Variants in MAP3K9 observed in about 807,000 individuals in gnomAD.
The protein encoded by MAP3K9 is mixed lineage kinase 1 (tyr and ser/thr specificity).
MAP3K9 carries 46 observed loss-of-function variants against 95.8 expected under a neutral mutation model. The ratio of observed to expected loss-of-function variants is 0.48; its 90% CI spans 0.38 to 0.61. MAP3K9 has a LOEUF of 0.61. Ranked by LOEUF, MAP3K9 falls within the 20% of genes least tolerant of loss-of-function variation. MAP3K9 has a pLI of 0.00. For missense variants in MAP3K9, 1,296 were observed against 1,474.3 expected (o/e 0.88, Z 1.98); for synonymous variants, 533 against 593.8 (o/e 0.90, Z 1.49).
intron 2 of MAP3K9, among the ~76,000 whole-genome samples, chr14:70,771,284 T>C (rs1201589406): frequency 6.6e-6 from 1 of 152,192 alleles, no homozygotes; most frequent in Non-Finnish European, 1.5e-5. Flanking sequence ...GCCTTCAGTT[T>C]TGTTTTCTTG....
chr14:70,771,728 G>C (rs1388118094), intron 2 of MAP3K9, among the ~76,000 whole-genome samples: 1 of 152,162 alleles, frequency 6.6e-6, no homozygotes, highest in Non-Finnish European at 1.5e-5. Flanking sequence ...GCTAAACATA[G>C]GGGGAAAAGG....
At chr14:70,784,261 A>T (rs2054719460) in intron 2 of MAP3K9, among the ~76,000 whole-genome samples, 1 of 152,036 alleles carries the variant, frequency 6.6e-6, no homozygotes, top group East Asian at 1.9e-4. Context: ...CCAGCCTGGG[A>T]AACAAGAGCA....
rs1349693176 is a variant in MAP3K9, at chr14:70,755,663, G to C, written c.1001+5339C>G. ...ACACATTTTCCTCTGCTAAAGGTGA[G>C]AGACCATTTGGAGCTACTTAGATGG... On this transcript the variant is annotated intron_variant, in intron 3 of 11. Transcript: ENST00000554752. 2.6e-5 allele frequency among the ~76,000 whole-genome samples: 4 copies of C among 152,218 alleles called. No individual in the cohort carries two copies. The East Asian group carries it at 5.8e-4, about 22-fold the overall frequency.
At position 70,738,266 on chromosome 14, in the gene MAP3K9, T is replaced by C. The variant is rs746538544; in HGVS notation, c.1823A>G (p.Glu608Gly). The C allele has an allele frequency of 2.0e-5, 33 of 1,611,056 alleles. No homozygotes were observed. The South Asian group carries it at 2.1e-4, about 10-fold the overall frequency. Residue 608 changes from glutamate (E) to glycine (G), a missense_variant, in exon 8 of 12, where the codon GAG (glutamate) becomes GGG (glycine). Around this residue, in one of 5 missense-constraint regions of MAP3K9, gnomAD observed 377 missense variants for 417.1 expected, o/e 0.90. Coordinates refer to ENST00000554752, the MANE Select transcript of MAP3K9 (RefSeq NM_001284230.2). ...TWGPGTLGQK[E>G]LASGDEGSPQ... ...TTACCCTTCATCTCCCGAGGCAAGC[T>C]CCTTCTGACCAAGCGTCCCTGGCCC...
Position 70,730,849 on chromosome 14 carries a change from G to A in MAP3K9, c.2846C>T (p.Pro949Leu). The A allele has an allele frequency of 1.2e-6, 2 of 1,603,134 alleles. No individual in the cohort carries two copies. Among genetic ancestry groups the A allele is most frequent in the Non-Finnish European group, 1.7e-6 (2 of 1,176,848 alleles). The stretch of plus-strand genomic sequence containing the variant: ...TTCACCTGGGTCTCGGCTGGGACTG[G>A]GGGTTTTCAACATTCCTGGTCAAAA... ...PSPGAGMLKTPSPSRDPGEFP... is the reference protein window; with the variant it reads ...PSPGAGMLKTLSPSRDPGEFP... Residue 949 changes from proline to leucine, a missense_variant, in exon 12 of 12, where the codon CCC becomes CTC. This residue lies in a region of MAP3K9 where 433 missense variants were observed against 441.4 expected (regional missense o/e 0.98). Coordinates refer to ENST00000554752, the MANE Select transcript of MAP3K9 (RefSeq NM_001284230.2).
rs2139696576 is a variant in MAP3K9 at position 70,730,425 on chromosome 14, T to C, written c.3270A>G (p.Thr1090=). The change falls in exon 12 of 12, where the codon ACA becomes ACG. Residue 1090 remains threonine (T), a synonymous_variant. Transcript: ENST00000554752. The part of the protein sequence containing the change: ...TVPLCRAELN[T]HRPAPYEIQQ... Reference sequence around the variant, plus strand: ...GGATCTCATAAGGGGCAGGCCTGTGTGTGTTCAGTTCCGCTCTGCACAGCG... The same window carrying C: ...GGATCTCATAAGGGGCAGGCCTGTGCGTGTTCAGTTCCGCTCTGCACAGCG... 1 of 1,614,138 alleles carries C rather than the reference T, an allele frequency of 6.2e-7. No individual in the cohort carries two copies. Among genetic ancestry groups the C allele is most frequent in the Non-Finnish European group, 8.5e-7 (1 of 1,179,996 alleles).
In MAP3K9 at chr14:70,729,967, T is replaced by C. The variant is rs1275209456; in HGVS notation, c.*413A>G. On this transcript the variant is annotated 3_prime_UTR_variant, in exon 12 of 12. Transcript: ENST00000554752. ...AAATCAATCACAGAATATCCAACAC[T>C]GGTGTTTGGGAAGCTGAACTCGGGG... 5 of 183,012 alleles carry C rather than the reference T, an allele frequency of 2.7e-5. No homozygotes were observed. Among genetic ancestry groups the C allele is most frequent in the East Asian group, 1.4e-4 (1 of 6,954 alleles). 11.3% of individuals were successfully genotyped at this position (183,012 alleles called of 1,614,324 possible). A position where few individuals can be genotyped will look rare whatever the true frequency, so the allele number is the denominator to read the frequency against.
intron 1 of MAP3K9, among the ~76,000 whole-genome samples, chr14:70,808,074 G>C (rs796806614): frequency 6.6e-6 from 1 of 152,194 alleles, no homozygotes; most frequent in African/African-American, 2.4e-5. Flanking sequence ...TCCCATGGGG[G>C]AACGACATAC....
chr14:70,757,470 A>G (rs2054313094), intron 3 of MAP3K9, among the ~76,000 whole-genome samples: 1 of 152,116 alleles, frequency 6.6e-6, no homozygotes, highest in Admixed American at 6.5e-5. Context: ...AAAAAAAAAA[A>G]AAAGGGTGTA....
chr14:70,739,884 A>G lies in MAP3K9; in HGVS notation c.1690+158T>C, dbSNP rs778810151. The G allele has an allele frequency of 8.9e-5, 142 of 1,587,600 alleles. 1 individual carries two copies. The South Asian group carries it at 1.1e-3, about 12-fold the overall frequency. ...ATGGAGAGAGACAAGGGAGAGGGCT[A>G]AGGGTTTGCGTACATATGTGCATGT... On this transcript the variant is annotated intron_variant, in intron 7 of 11. Transcript: ENST00000554752.
intron 2 of MAP3K9, among the ~76,000 whole-genome samples, chr14:70,763,292 G>A (rs533268858): frequency 6.6e-6 from 1 of 152,330 alleles, no homozygotes; most frequent in South Asian, 2.1e-4. Flanking sequence ...GTCAATGACA[G>A]GCCAAAACCA....
chr14:70,745,331 G>C (rs1252708312), intron 5 of MAP3K9, among the ~76,000 whole-genome samples: 1 of 152,156 alleles, frequency 6.6e-6, no homozygotes, highest in Non-Finnish European at 1.5e-5. Flanking sequence ...TGAGCAGCAG[G>C]TAAAAGTGGA....
At chr14:70,779,320 C>A (rs1325353566) in intron 2 of MAP3K9, among the ~76,000 whole-genome samples, 1 of 152,188 alleles carries the variant, frequency 6.6e-6, no homozygotes, top group African/African-American at 2.4e-5. Flanking sequence ...ACAAATTAAA[C>A]TGAAAAAGCA....
In MAP3K9 at chr14:70,732,817, C is replaced by A; in HGVS notation, c.2552G>T (p.Arg851Leu). The A allele has an allele frequency of 1.9e-6, 3 of 1,614,004 alleles. No homozygotes were observed. The highest frequency in any genetic ancestry group is 8.5e-7 in the Non-Finnish European group (1 of 1,179,960). ...SECNSTRSLLRSDSDEIVVYE... is the reference protein window; with the variant it reads ...SECNSTRSLLLSDSDEIVVYE... ...CACGACAATTTCATCGCTGTCGGAG[C>A]GCAGCAGGGAGCGTGTGGAGTTGCA... The change falls in exon 11 of 12, where the codon CGC becomes CTC. Residue 851 changes from arginine (R) to leucine (L), a missense_variant. Coordinates refer to ENST00000554752, the MANE Select transcript of MAP3K9 (RefSeq NM_001284230.2).
intron 2 of MAP3K9, among the ~76,000 whole-genome samples, chr14:70,788,329 G>C (rs1240349742): frequency 1.3e-5 from 2 of 152,178 alleles, no homozygotes; most frequent in African/African-American, 4.8e-5. Context: ...GTAGCAGATG[G>C]AATTATAATT....
intron 5 of MAP3K9, 125 bp from the exon 6 acceptor site, chr14:70,742,716 T>C (rs2054090570): frequency 1.2e-5 from 13 of 1,120,110 alleles, no homozygotes; most frequent in Non-Finnish European, 1.5e-5. Context: ...TGATGCTCAG[T>C]GAAGAGAGAG....
At chr14:70,768,232 T>C (rs2054483696) in intron 2 of MAP3K9, among the ~76,000 whole-genome samples, 1 of 152,136 alleles carries the variant, frequency 6.6e-6, no homozygotes, top group African/African-American at 2.4e-5. Context: ...TTATGCATCA[T>C]ATGCCTGTAT....
intron 11 of MAP3K9, 125 bp downstream of exon 11, chr14:70,732,414 T>G: frequency 1.5e-6 from 2 of 1,365,714 alleles, no homozygotes; most frequent in South Asian, 2.0e-5. Flanking sequence ...TATTTCTTGA[T>G]TGGCTAAGAG....
chr14:70,735,021 C>A (rs75221086), intron 9 of MAP3K9, among the ~76,000 whole-genome samples: 3,115 of 152,356 alleles, frequency 0.02, 116 homozygotes, highest in African/African-American at 0.07. Flanking sequence ...CAAAGCCATC[C>A]CCTTTTTAAA....
Sources: gnomAD v4.1 joint callset for allele counts (sites outside exome capture counted in the v4.1 genomes callset) on GRCh38, gnomAD v4.1.1 for gene constraint, gnomAD v4.1.1 regional missense constraint, MANE v1.5 for transcripts, NCBI Gene and HGNC (gene_info 2026-07-23, HGNC 2026-07-21) for gene names.